Variants in OR6N1 observed in about 807,000 individuals in gnomAD.
OR6N1 encodes olfactory receptor family 6 subfamily N member 1, also known as olfactory receptor 6N1.
For missense variants in OR6N1, 394 were observed against 371.7 expected, an observed-to-expected ratio of 1.06 and a Z score of -0.49; for synonymous variants, 170 against 150.7, an observed-to-expected ratio of 1.13 and a Z score of -0.94.
chr1:158,836,045 T>C, the OR6N1 span, among the ~76,000 whole-genome samples: 1 of 151,966 alleles, frequency 6.6e-6, no homozygotes, highest in Admixed American at 6.6e-5. Context: ...GATTGTTGCA[T>C]GGTGAGCCAT....
the OR6N1 span, among the ~76,000 whole-genome samples, chr1:158,811,628 G>T: frequency 6.6e-6 from 1 of 152,120 alleles, no homozygotes; most frequent in East Asian, 1.9e-4. Flanking sequence ...TGATCCACTG[G>T]AGAAGAATAC....
upstream of OR6N1, chr1:158,772,261 C>A (rs188854422): frequency 2.0e-5 from 3 of 152,240 alleles, no homozygotes; most frequent in Admixed American, 2.0e-4. Context: ...TTGATAGGGA[C>A]CTCATAGAGG....
chr1:158,778,563 G>T, the OR6N1 span, among the ~76,000 whole-genome samples: 19 of 152,290 alleles, frequency 1.2e-4, no homozygotes, highest in African/African-American at 4.1e-4. Flanking sequence ...CATCACTGAA[G>T]AATGTTTGCT....
the OR6N1 span, among the ~76,000 whole-genome samples, chr1:158,833,793 T>A: frequency 6.6e-6 from 1 of 152,356 alleles, no homozygotes; most frequent in African/African-American, 2.4e-5. Flanking sequence ...TCTGTTGTGA[T>A]TAATGCTGCA....
At chr1:158,840,102 T>C in the OR6N1 span, among the ~76,000 whole-genome samples, 1 of 152,202 alleles carries the variant, frequency 6.6e-6, no homozygotes, top group Non-Finnish European at 1.5e-5. Flanking sequence ...ATACATTGTA[T>C]GTAGGCACTG....
chr1:158,778,160 C>G, the OR6N1 span, among the ~76,000 whole-genome samples: 1 of 152,196 alleles, frequency 6.6e-6, no homozygotes, highest in African/African-American at 2.4e-5. Flanking sequence ...CAATTCACCT[C>G]TATAAACATT....
chr1:158,771,403 A>C (rs1657420904), intron 1 of OR6N1, among the ~76,000 whole-genome samples: 1 of 152,194 alleles, frequency 6.6e-6, no homozygotes, highest in Non-Finnish European at 1.5e-5. Flanking sequence ...GGTAATGAAA[A>C]AGAGGGCAAT....
At chr1:158,830,077 T>C in the OR6N1 span, among the ~76,000 whole-genome samples, 1 of 152,172 alleles carries the variant, frequency 6.6e-6, no homozygotes, top group Non-Finnish European at 1.5e-5. Context: ...CAAGATGGGA[T>C]TTGGGTGGGA....
At chr1:158,834,645 A>ATTG in the OR6N1 span, among the ~76,000 whole-genome samples, 1 of 152,004 alleles carries the variant, frequency 6.6e-6, no homozygotes, top group Non-Finnish European at 1.5e-5. Flanking sequence ...TATCTATTTT[A>ATTG]TTGTTGTTGT....
chr1:158,788,208 T>C, the OR6N1 span, among the ~76,000 whole-genome samples: 1 of 152,198 alleles, frequency 6.6e-6, no homozygotes, highest in Non-Finnish European at 1.5e-5. Context: ...CCCTGTAAAC[T>C]ACACAATTGT....
chr1:158,811,592 G>A, the OR6N1 span, among the ~76,000 whole-genome samples: 1 of 152,142 alleles, frequency 6.6e-6, no homozygotes, highest in African/African-American at 2.4e-5. Context: ...GGATGTAGAG[G>A]CCGTATAAAT....
chr1:158,802,737 T>C, the OR6N1 span, among the ~76,000 whole-genome samples: 2 of 152,216 alleles, frequency 1.3e-5, no homozygotes, highest in Non-Finnish European at 2.9e-5. Flanking sequence ...TGATTGATGT[T>C]GAATACCTAA....
the OR6N1 span, among the ~76,000 whole-genome samples, chr1:158,819,217 A>G: frequency 6.6e-6 from 1 of 152,198 alleles, no homozygotes; most frequent in Admixed American, 6.5e-5. Flanking sequence ...GCTAATTGGG[A>G]ACATGGGAAT....
chr1:158,831,592 T>C, the OR6N1 span: 1 of 152,188 alleles, frequency 6.6e-6, no homozygotes, highest in Non-Finnish European at 1.5e-5. Flanking sequence ...GAGAAAGATC[T>C]AGGTATCTAG....
the OR6N1 span, among the ~76,000 whole-genome samples, chr1:158,794,235 C>T: frequency 3.9e-5 from 6 of 152,174 alleles, no homozygotes; most frequent in South Asian, 1.0e-3. Flanking sequence ...CTCCTACACT[C>T]TTCACAAGCG....
At chr1:158,839,629 C>T in the OR6N1 span, among the ~76,000 whole-genome samples, 2 of 152,192 alleles carry the variant, frequency 1.3e-5, no homozygotes, top group Non-Finnish European at 1.5e-5. Flanking sequence ...CCACACTTTT[C>T]CTTCTATTCC....
At chr1:158,774,990 T>C (rs1213692981), upstream of OR6N1, 1 of 152,214 alleles carries the variant, frequency 6.6e-6, no homozygotes, top group Non-Finnish European at 1.5e-5. Context: ...TTCATTACGA[T>C]TGCATTGAAT....
chr1:158,812,558 T>C, the OR6N1 span, among the ~76,000 whole-genome samples: 1,157 of 152,324 alleles, frequency 7.6e-3, 17 homozygotes, highest in African/African-American at 0.026. Flanking sequence ...AAGAGTGCTA[T>C]AGTGTTCGGT....
chr1:158,784,011 C>T, the OR6N1 span, among the ~76,000 whole-genome samples: 1 of 152,070 alleles, frequency 6.6e-6, no homozygotes, highest in East Asian at 1.9e-4. Context: ...GAGGCTGAGG[C>T]AGGAGAATGG....
Sources: gnomAD v4.1 joint callset for allele counts (sites outside exome capture counted in the v4.1 genomes callset) on GRCh38, gnomAD v4.1.1 for gene constraint, MANE v1.5 for transcripts, NCBI Gene and HGNC (gene_info 2026-07-23, HGNC 2026-07-21) for gene names.